TIA1: variants seen among roughly 807,000 people sequenced by gnomAD.
TIA1 encodes the protein cytotoxic granule associated RNA binding protein TIA1.
TIA1 carries 23 observed loss-of-function variants against 65.9 expected under a neutral mutation model. That is an observed-to-expected ratio of 0.35 (90% CI 0.25 to 0.49). The LOEUF (loss-of-function observed/expected upper bound fraction) is 0.49, where lower values mean the gene tolerates loss of function less well. Among genes scored for constraint, TIA1 ranks in the 20% least tolerant of loss-of-function variants. TIA1 has a pLI of 0.98. For synonymous variants in TIA1, 147 were observed against 149.4 expected (o/e 0.98, Z 0.12); for missense variants, 371 against 477.9 (o/e 0.78, Z 2.09).
chr2:70,247,645 C>T (rs1694976646), intron 1 of TIA1, among the ~76,000 whole-genome samples: 1 of 151,982 alleles, frequency 6.6e-6, no homozygotes, highest in Non-Finnish European at 1.5e-5. Context: ...TAAAAATTCT[C>T]TGTAAATATG....
In TIA1 at chr2:70,209,785, T is replaced by G; in HGVS notation, c.*2934A>C. The G allele has an allele frequency of 2.5e-6, 1 of 398,252 alleles. No homozygotes were observed. Among genetic ancestry groups the G allele is most frequent in the Non-Finnish European group, 4.4e-6 (1 of 225,898 alleles). The allele number at this position is 398,252 out of a possible 1,614,324, so 24.7% of individuals were successfully genotyped here. A position where few individuals can be genotyped will look rare whatever the true frequency, so the allele number is the denominator to read the frequency against. ...GAAAGGTTTGCTTTCTTATTTCCTG[T>G]AAGTACATTTCGTTTTTCTAATTCA... On this transcript the variant is annotated 3_prime_UTR_variant, in exon 13 of 13. Transcript: ENST00000433529.
chr2:70,219,738 CT>C (rs1165514822), intron 7 of TIA1, among the ~76,000 whole-genome samples: 2,058 of 105,836 alleles, frequency 0.019, 47 homozygotes, highest in Admixed American at 0.088. Flanking sequence ...GGTCGCCAGG[CT>C]TTTTTTTTTT....
intron 2 of TIA1, 35 bp from the exon 3 acceptor site, chr2:70,230,889 CT>C: frequency 6.6e-7 from 1 of 1,517,136 alleles, no homozygotes; most frequent in Non-Finnish European, 9.0e-7. Flanking sequence ...CAATTTTAAG[CT>C]TTATTCACCC....
In TIA1 at chr2:70,215,880, C is replaced by T. The variant is rs539162068; in HGVS notation, c.764+328G>A. ...TCTCCTGCCTCAGCCTCCCGAGTAG[C>T]TGTGATTACAGGCATGCACCGCCAT... On this transcript the variant is annotated intron_variant, in intron 10 of 12. Coordinates refer to ENST00000433529, the MANE Select transcript of TIA1 (RefSeq NM_022173.4). 2.0e-5 allele frequency among the ~76,000 whole-genome samples: 3 copies of T among 152,164 alleles called. No individual in the cohort carries two copies. In the South Asian group the frequency reaches 6.2e-4, roughly 32 times the overall value.
chr2:70,232,695 C>A (rs1687038199), intron 2 of TIA1, among the ~76,000 whole-genome samples: 1 of 151,346 alleles, frequency 6.6e-6, no homozygotes, highest in Non-Finnish European at 1.5e-5. Context: ...ATGGTGAAAC[C>A]TCATCTCTAC....
chr2:70,224,652 G>GT (rs1553437935), intron 6 of TIA1, 23 bp from the exon 7 acceptor site: 1 of 1,611,822 alleles, frequency 6.2e-7, no homozygotes, highest in Non-Finnish European at 8.5e-7. Context: ...ACAATCAGAA[G>GT]TTTAGGTTTG....
intron 12 of TIA1, among the ~76,000 whole-genome samples, chr2:70,213,337 TTTC>T (rs1379954487): frequency 2.0e-5 from 3 of 151,666 alleles, no homozygotes; most frequent in East Asian, 3.9e-4. Context: ...AAGATTTTCT[TTTC>T]TTTTCTTTTT....
At chr2:70,240,886 C>CA (rs377386367) in intron 1 of TIA1, among the ~76,000 whole-genome samples, 46 of 148,808 alleles carry the variant, frequency 3.1e-4, no homozygotes, top group Non-Finnish European at 5.2e-4. Flanking sequence ...GCCCCCCCAC[C>CA]AAAAAAAAAG....
chr2:70,224,802 T>G, intron 6 of TIA1, 173 bp from the exon 7 acceptor site: 1 of 1,391,958 alleles, frequency 7.2e-7, no homozygotes, highest in Non-Finnish European at 9.3e-7. Context: ...AGGCTTAATT[T>G]TATAGACATG....
intron 11 of TIA1, 28 bp downstream of exon 11, chr2:70,215,343 T>C: frequency 6.2e-7 from 1 of 1,611,720 alleles, no homozygotes; most frequent in Non-Finnish European, 8.5e-7. Context: ...GCCCAACAAT[T>C]ACTTCTCAAA....
intron 6 of TIA1, 121 bp downstream of exon 6, chr2:70,227,609 CAATGT>C (rs1400772029): frequency 3.6e-6 from 2 of 559,636 alleles, no homozygotes; most frequent in Admixed American, 3.6e-5. Flanking sequence ...GATCTCTAAA[CAATGT>C]AATACATTAT....
intron 12 of TIA1, 66 bp from the exon 13 acceptor site, chr2:70,212,911 A>G: frequency 9.5e-7 from 1 of 1,057,726 alleles, no homozygotes; most frequent in South Asian, 1.3e-5. Flanking sequence ...AGTATTGGCA[A>G]GAACAAACAA....
rs1239137273 is a variant in TIA1 at position 70,209,769 on chromosome 2, GCTTT to G, written c.*2946_*2949del. The G allele has an allele frequency of 2.5e-6, 1 of 398,224 alleles. No homozygotes were observed. The highest frequency in any genetic ancestry group is 4.4e-5 in the Admixed American group (1 of 22,722). 24.7% of individuals were successfully genotyped at this position (398,224 alleles called of 1,614,324 possible). A position where few individuals can be genotyped will look rare whatever the true frequency, so the allele number is the denominator to read the frequency against. Reference sequence around the variant, plus strand: ...ATCATCACTCTCATTTGAAAGGTTTGCTTTCTTATTTCCTGTAAGTACATTTCGT... The same window carrying G: ...ATCATCACTCTCATTTGAAAGGTTTGCTTATTTCCTGTAAGTACATTTCGT... On this transcript the variant is annotated 3_prime_UTR_variant, in exon 13 of 13. Coordinates refer to ENST00000433529, the MANE Select transcript of TIA1 (RefSeq NM_022173.4).
chr2:70,244,606 C>G (rs954683167), intron 1 of TIA1, among the ~76,000 whole-genome samples: 1 of 152,014 alleles, frequency 6.6e-6, no homozygotes, highest in Middle Eastern at 3.4e-3. Context: ...GAGGCTGAGG[C>G]AGGCGGATCG....
At chr2:70,224,786 G>A (rs1171306696) in intron 6 of TIA1, 157 bp from the exon 7 acceptor site, 14 of 1,398,996 alleles carry the variant, frequency 1.0e-5, no homozygotes, top group Non-Finnish European at 1.3e-5. Context: ...CATGTATTAG[G>A]AAATGAGGCT....
intron 7 of TIA1, among the ~76,000 whole-genome samples, chr2:70,221,381 G>A (rs1224820321): frequency 6.6e-6 from 1 of 151,966 alleles, no homozygotes; most frequent in Non-Finnish European, 1.5e-5. Flanking sequence ...GAGGCAGGAG[G>A]ATGGATTGAG....
chr2:70,219,186 A>G (rs915316497), intron 7 of TIA1, among the ~76,000 whole-genome samples: 1 of 152,200 alleles, frequency 6.6e-6, no homozygotes, highest in Non-Finnish European at 1.5e-5. Context: ...AGCCCTGAAA[A>G]ACAGCAAAAC....
chr2:70,228,817 G>A, intron 5 of TIA1: 2 of 1,392,614 alleles, frequency 1.4e-6, no homozygotes, highest in South Asian at 1.7e-5. Context: ...CCCTTAGTTG[G>A]TGAAAGTAGT....
At chr2:70,242,096 A>T (rs1220408420) in intron 1 of TIA1, among the ~76,000 whole-genome samples, 2 of 152,202 alleles carry the variant, frequency 1.3e-5, no homozygotes, top group Non-Finnish European at 2.9e-5. Context: ...CCACGGTTAT[A>T]TAAGATGGTA....
Sources: allele counts gnomAD v4.1 joint callset (sites outside exome capture counted in the v4.1 genomes callset), GRCh38; gene constraint gnomAD v4.1.1; transcripts MANE v1.5; gene names NCBI Gene and HGNC (gene_info 2026-07-23, HGNC 2026-07-21).